Variants in ARID1B observed in about 807,000 individuals in gnomAD.
ARID1B encodes AT-rich interactive domain-containing protein 1B.
In ARID1B, 30 loss-of-function variants were observed where a neutral mutation model predicts 212.3. The ratio of observed to expected loss-of-function variants is 0.14; its 90% CI spans 0.11 to 0.19. The LOEUF (loss-of-function observed/expected upper bound fraction) is 0.19. ARID1B is among the 10% of genes least tolerant of loss of function. The pLI is 1.00. For missense variants in ARID1B, 2,891 were observed against 3,204.0 expected, an observed-to-expected ratio of 0.90 and a Z score of 2.36; for synonymous variants, 1,402 against 1,301.7, an observed-to-expected ratio of 1.08 and a Z score of -1.66.
chr6:156,844,721 T>G (rs2128094029), intron 2 of ARID1B, among the ~76,000 whole-genome samples: 1 of 152,338 alleles, frequency 6.6e-6, no homozygotes, highest in East Asian at 1.9e-4. Flanking sequence ...TCCTTTTCCC[T>G]CTATCATCTT....
At chr6:156,836,109 C>T (rs1783491636) in intron 2 of ARID1B, among the ~76,000 whole-genome samples, 1 of 152,120 alleles carries the variant, frequency 6.6e-6, no homozygotes, top group Non-Finnish European at 1.5e-5. Flanking sequence ...GTAAAATGAA[C>T]CAACCATATC....
chr6:157,021,059 G>C (rs566305100), intron 4 of ARID1B, among the ~76,000 whole-genome samples: 85 of 151,680 alleles, frequency 5.6e-4, no homozygotes, highest in African/African-American at 1.9e-3. Context: ...TGCCTGCGCG[G>C]CGGCGGCGTC....
At chr6:156,823,840 T>C (rs1782563048) in intron 1 of ARID1B, among the ~76,000 whole-genome samples, 1 of 152,140 alleles carries the variant, frequency 6.6e-6, no homozygotes, top group African/African-American at 2.4e-5. Context: ...AGATATCTTT[T>C]ACTATAAATG....
At chr6:157,169,813 T>C (rs1224902628) in intron 9 of ARID1B, 2 of 152,214 alleles carry the variant, frequency 1.3e-5, no homozygotes, top group African/African-American at 2.4e-5. Context: ...GCATTTCTCC[T>C]ACTGCCACCT....
intron 1 of ARID1B, among the ~76,000 whole-genome samples, chr6:156,801,895 C>T (rs1478324659): frequency 6.6e-6 from 1 of 152,014 alleles, no homozygotes. Flanking sequence ...ATGGATTGTG[C>T]ATTTTGGTGT....
At chr6:156,880,288 C>T (rs951584393) in intron 2 of ARID1B, among the ~76,000 whole-genome samples, 1 of 152,062 alleles carries the variant, frequency 6.6e-6, no homozygotes, top group Non-Finnish European at 1.5e-5. Context: ...AGAAAAATAG[C>T]GAGAATGTTT....
chr6:156,915,435 G>A (rs1187866525), intron 3 of ARID1B, among the ~76,000 whole-genome samples: 3 of 151,232 alleles, frequency 2.0e-5, no homozygotes, highest in South Asian at 2.1e-4. Flanking sequence ...AGGTGTGGTC[G>A]CGCATGCCTG....
rs543458049 is a variant in ARID1B at position 157,107,008 on chromosome 6, A to G, written c.2492-3464A>G. ...GCATAGGATTTGCATAGTCTCAAATATCTTCCAAAAAATACTTAACCAACT... is the reference window on the plus strand; with the variant it reads ...GCATAGGATTTGCATAGTCTCAAATGTCTTCCAAAAAATACTTAACCAACT... On this transcript the variant is annotated intron_variant, in intron 5 of 19. Coordinates refer to ENST00000636930, the MANE Select transcript of ARID1B (RefSeq NM_001374828.1). 2.6e-5 allele frequency among the ~76,000 whole-genome samples: 4 copies of G among 152,390 alleles called. No homozygotes were observed. The East Asian group carries it at 5.8e-4, about 22-fold the overall frequency.
intron 4 of ARID1B, among the ~76,000 whole-genome samples, chr6:156,972,655 C>G (rs919915894): frequency 6.6e-6 from 1 of 152,248 alleles, no homozygotes; most frequent in South Asian, 2.1e-4. Flanking sequence ...TCTGTCTCAC[C>G]TTTTCAGTTA....
chr6:156,818,986 A>T (rs1246828260), intron 1 of ARID1B, among the ~76,000 whole-genome samples: 1 of 152,014 alleles, frequency 6.6e-6, no homozygotes, highest in African/African-American at 2.4e-5. Context: ...TGAATGTATT[A>T]TCTCCAGTTC....
intron 2 of ARID1B, among the ~76,000 whole-genome samples, chr6:156,850,119 G>A (rs1299484207): frequency 6.6e-6 from 1 of 151,060 alleles, no homozygotes; most frequent in East Asian, 1.9e-4. Context: ...AAGGTGATGT[G>A]CAGAAGAGAA....
intron 2 of ARID1B, among the ~76,000 whole-genome samples, chr6:156,897,243 C>CTTA (rs1284725803): frequency 1.6e-4 from 17 of 103,614 alleles, no homozygotes; most frequent in African/African-American, 5.4e-4. Context: ...TCTTCTTCTT[C>CTTA]TTCTTCTTCT....
chr6:157,168,055 G>A (rs1333684366), intron 9 of ARID1B: 1 of 152,230 alleles, frequency 6.6e-6, no homozygotes, highest in East Asian at 1.9e-4. Flanking sequence ...GATGCGTTAG[G>A]AATGCATGGG....
intron 19 of ARID1B, chr6:157,205,806 C>G (rs1166545075): frequency 5.0e-6 from 1 of 198,418 alleles, no homozygotes; most frequent in Non-Finnish European, 1.0e-5. Flanking sequence ...TCCCACTCTT[C>G]TAATAATGAG....
rs1319766536 is a variant in ARID1B at position 156,777,991 on chromosome 6, C to G, written c.311C>G (p.Ser104Cys). ...AGTHSAKSGG[S>C]EAALKEGGSA... ...ACCCACAGCGCCAAGAGCGGCGGCT[C>G]CGAGGCGGCTCTCAAGGAGGGTGGA... The change falls in exon 1 of 20, where the codon TCC becomes TGC. Residue 104 changes from serine to cysteine, a missense_variant. By Grantham distance (112) the Ser-to-Cys change is moderately radical. Transcript: ENST00000636930. 4.6e-6 allele frequency: 7 copies of G among 1,531,438 alleles called. No homozygotes were observed. The highest frequency in any genetic ancestry group is 6.1e-6 in the Non-Finnish European group (7 of 1,144,818). 94.9% of individuals were successfully genotyped at this position (1,531,438 alleles called of 1,614,324 possible).
chr6:156,970,652 GA>G (rs1776863445), intron 4 of ARID1B, among the ~76,000 whole-genome samples: 1 of 152,172 alleles, frequency 6.6e-6, no homozygotes. Context: ...TTAGGTTATA[GA>G]GCAACTGTCT....
At chr6:157,110,419 A>G in intron 5 of ARID1B, 53 bp from the exon 6 acceptor site, 2 of 1,524,526 alleles carry the variant, frequency 1.3e-6, no homozygotes, top group Non-Finnish European at 1.8e-6. Flanking sequence ...GCATGACTGC[A>G]TTATTAATGC....
At chr6:156,799,097 G>A (rs1780595224) in intron 1 of ARID1B, among the ~76,000 whole-genome samples, 1 of 152,154 alleles carries the variant, frequency 6.6e-6, no homozygotes, top group African/African-American at 2.4e-5. Flanking sequence ...CAGACTGTAG[G>A]TCAGATTCCC....
intron 4 of ARID1B, among the ~76,000 whole-genome samples, chr6:157,018,903 G>A (rs186218204): frequency 5.9e-4 from 90 of 152,130 alleles, no homozygotes; most frequent in African/African-American, 2.1e-3. Flanking sequence ...GGGGGTCAGG[G>A]AAGACTTGGA....
Sources: allele counts gnomAD v4.1 joint callset (sites outside exome capture counted in the v4.1 genomes callset), GRCh38; gene constraint gnomAD v4.1.1; transcripts MANE v1.5; gene names NCBI Gene and HGNC (gene_info 2026-07-23, HGNC 2026-07-21).